SYNPR: variants seen among roughly 807,000 people sequenced by gnomAD.
The protein encoded by SYNPR is synaptoporin.
Under a neutral mutation model 32.9 loss-of-function variants are expected in SYNPR, and 23 were observed. The observed-to-expected ratio is 0.70, with a 90% CI of 0.50 to 0.99. The LOEUF (loss-of-function observed/expected upper bound fraction) is 0.99, where lower values mean the gene tolerates loss of function less well. Ranked by LOEUF, SYNPR falls within the 50% of genes least tolerant of loss-of-function variation. The pLI, the probability that SYNPR is intolerant of heterozygous loss-of-function variation, is 0.00. For synonymous variants in SYNPR, 146 were observed against 135.9 expected (o/e 1.07, Z -0.52); for missense variants, 318 against 349.3 (o/e 0.91, Z 0.71).
chr3:63,575,828 A>G (rs1702970278), intron 4 of SYNPR, among the ~76,000 whole-genome samples: 1 of 152,168 alleles, frequency 6.6e-6, no homozygotes, highest in African/African-American at 2.4e-5. Flanking sequence ...GGCTTTTCCA[A>G]GCCTACACAC....
At chr3:63,289,887 T>C (rs2086721671) in intron 2 of SYNPR, among the ~76,000 whole-genome samples, 1 of 152,086 alleles carries the variant, frequency 6.6e-6, no homozygotes, top group Non-Finnish European at 1.5e-5. Flanking sequence ...TCCCAGCACT[T>C]TGGGAGGCTG....
intron 2 of SYNPR, among the ~76,000 whole-genome samples, chr3:63,420,026 C>G (rs563380493): frequency 2.6e-5 from 4 of 152,016 alleles, no homozygotes; most frequent in Non-Finnish European, 5.9e-5. Flanking sequence ...AGTGCAAGAT[C>G]TTTATAGGAA....
chr3:63,531,093 G>T (rs951006881), intron 3 of SYNPR, among the ~76,000 whole-genome samples: 1 of 152,134 alleles, frequency 6.6e-6, no homozygotes, highest in African/African-American at 2.4e-5. Context: ...AAAGCTTAAG[G>T]TGTGGTGAAG....
At chr3:63,543,324 A>G (rs895775850) in intron 3 of SYNPR, among the ~76,000 whole-genome samples, 2 of 152,174 alleles carry the variant, frequency 1.3e-5, no homozygotes, top group Non-Finnish European at 1.5e-5. Flanking sequence ...TAGGAAGCCA[A>G]ACAAAATTAT....
At chr3:63,574,351 C>A (rs2106851057) in intron 4 of SYNPR, among the ~76,000 whole-genome samples, 1 of 152,224 alleles carries the variant, frequency 6.6e-6, no homozygotes, top group African/African-American at 2.4e-5. Context: ...ATTCATCAAG[C>A]ATTTAGTAAG....
chr3:63,381,499 A>G (rs11720492), intron 2 of SYNPR, among the ~76,000 whole-genome samples: 60,578 of 152,110 alleles, frequency 0.4, 12,222 homozygotes, highest in Middle Eastern at 0.52. Flanking sequence ...TATAGATTCA[A>G]TGCCATCCCC....
At chr3:63,304,286 C>T (rs370220050) in intron 2 of SYNPR, among the ~76,000 whole-genome samples, 12 of 151,928 alleles carry the variant, frequency 7.9e-5, no homozygotes, top group African/African-American at 2.9e-4. Flanking sequence ...TAGTCCAGCT[C>T]CCCAAACAGT....
At chr3:63,585,479 C>T (rs1703168800) in intron 4 of SYNPR, among the ~76,000 whole-genome samples, 1 of 151,580 alleles carries the variant, frequency 6.6e-6, no homozygotes, top group Admixed American at 6.6e-5. Context: ...ACCCACCACA[C>T]ACACACACAC....
chr3:63,337,249 A>AG (rs1035692908), intron 2 of SYNPR, among the ~76,000 whole-genome samples: 1 of 151,276 alleles, frequency 6.6e-6, no homozygotes, highest in African/African-American at 2.4e-5. Flanking sequence ...AAAAAAAAAA[A>AG]AAAAAAAGAT....
intron 2 of SYNPR, among the ~76,000 whole-genome samples, chr3:63,262,332 T>C (rs1445655317): frequency 2.0e-5 from 3 of 152,206 alleles, no homozygotes; most frequent in Non-Finnish European, 4.4e-5. Context: ...TGGTTGGTCA[T>C]GCAAGGCTTT....
intron 2 of SYNPR, among the ~76,000 whole-genome samples, chr3:63,288,557 G>A (rs966232655): frequency 1.3e-5 from 2 of 152,160 alleles, no homozygotes; most frequent in Non-Finnish European, 2.9e-5. Context: ...CCACTAGCTT[G>A]TGTGATCTTG....
chr3:63,404,448 C>G (rs1183299851), intron 2 of SYNPR, among the ~76,000 whole-genome samples: 1 of 152,024 alleles, frequency 6.6e-6, no homozygotes, highest in South Asian at 2.1e-4. Flanking sequence ...GACAAGATCC[C>G]TTATTTAAAA....
chr3:63,359,549 C>G (rs1382171830), intron 2 of SYNPR, among the ~76,000 whole-genome samples: 1 of 152,186 alleles, frequency 6.6e-6, no homozygotes, highest in Admixed American at 6.5e-5. Flanking sequence ...ATGCCCTTTT[C>G]CATTTGAAGT....
At position 63,610,802 on chromosome 3, in the gene SYNPR, C is replaced by T. The variant is rs554035216; in HGVS notation, c.600+1486C>T. On this transcript the variant is annotated intron_variant, in intron 5 of 5. Coordinates refer to ENST00000478300, the MANE Select transcript of SYNPR (RefSeq NM_001130003.2). ...TAACTAATCTCCCAATAAATTATGA[C>T]GTTCTGCATGGTTCTTCTAATTCCA... is the stretch of plus-strand genomic sequence containing the variant. 5.3e-5 allele frequency among the ~76,000 whole-genome samples: 8 copies of T among 152,218 alleles called. No individual in the cohort carries two copies. The South Asian group carries it at 6.2e-4, about 12-fold the overall frequency.
chr3:63,227,934 T>G (rs1445107799), upstream of SYNPR, among the ~76,000 whole-genome samples: 1 of 152,154 alleles, frequency 6.6e-6, no homozygotes, highest in African/African-American at 2.4e-5. Flanking sequence ...AAAATTGATA[T>G]GATATTGGAC....
At position 63,536,318 on chromosome 3, in the gene SYNPR, C is replaced by T. The variant is rs931523373; in HGVS notation, c.210-20225C>T. The stretch of plus-strand genomic sequence containing the variant: ...AAAATGGGCAAAGAACTTGAGTAGA[C>T]ATTCATCCAAGAAGATATACAAATA... On this transcript the variant is annotated intron_variant, in intron 3 of 5. Coordinates refer to ENST00000478300, the MANE Select transcript of SYNPR (RefSeq NM_001130003.2). Among the ~76,000 whole-genome samples, 3 of 152,006 alleles carry T rather than the reference C, an allele frequency of 2.0e-5. No homozygotes were observed. The East Asian group carries it at 5.8e-4, about 29-fold the overall frequency.
intron 2 of SYNPR, among the ~76,000 whole-genome samples, chr3:63,304,176 G>A (rs1428741393): frequency 2.6e-5 from 4 of 151,900 alleles, no homozygotes; most frequent in African/African-American, 9.7e-5. Context: ...ATTTTATATT[G>A]CGTTGTAAAT....
At position 63,556,735 on chromosome 3, in the gene SYNPR, A is replaced by G. The variant is rs1225343027; in HGVS notation, c.402A>G (p.Pro134=). The stretch of plus-strand genomic sequence containing the variant: ...AATACCGGGAAAACAACCGGGGCCC[A>G]CTCATTGTAAGTGGTTTTCTTTTTC... ...QNKYRENNRG[P]LIDFIVTVVF... is the part of the protein sequence containing the mutation. The change falls in exon 4 of 6, where the codon CCA becomes CCG. Residue 134 remains proline (P), a synonymous_variant. Transcript: ENST00000478300. 1.5e-5 allele frequency: 24 copies of G among 1,603,964 alleles called. No individual in the cohort carries two copies. The highest frequency in any genetic ancestry group is 2.7e-5 in the African/African-American group (2 of 74,276).
chr3:63,324,590 G>A (rs2087145181), intron 2 of SYNPR, among the ~76,000 whole-genome samples: 1 of 152,118 alleles, frequency 6.6e-6, no homozygotes, highest in South Asian at 2.1e-4. Context: ...TGGTCCAGGT[G>A]AGTGGTCTTG....
Sources: gnomAD v4.1 joint callset for allele counts (sites outside exome capture counted in the v4.1 genomes callset) on GRCh38, gnomAD v4.1.1 for gene constraint, MANE v1.5 for transcripts, NCBI Gene and HGNC (gene_info 2026-07-23, HGNC 2026-07-21) for gene names.